CDH13: variants seen among roughly 807,000 people sequenced by gnomAD.
CDH13 encodes the protein cadherin-13.
In CDH13, 24 loss-of-function variants were observed where a neutral mutation model predicts 63.8. That is an observed-to-expected ratio of 0.38 (90% CI 0.27 to 0.53). CDH13 has a LOEUF of 0.53. CDH13 is among the 20% of genes least tolerant of loss of function. The pLI, the probability that CDH13 is intolerant of heterozygous loss-of-function variation, is 0.85. For missense variants in CDH13, 1,049 were observed against 903.1 expected, an observed-to-expected ratio of 1.16 and a Z score of -2.07; for synonymous variants, 503 against 355.3, an observed-to-expected ratio of 1.42 and a Z score of -4.67.
At chr16:83,669,391 G>T (rs1914301624) in intron 8 of CDH13, among the ~76,000 whole-genome samples, 1 of 152,164 alleles carries the variant, frequency 6.6e-6, no homozygotes, top group Non-Finnish European at 1.5e-5. Flanking sequence ...TAGTTTTCTT[G>T]CTCAAGAATT....
chr16:83,665,059 T>A (rs1440218614), intron 8 of CDH13, among the ~76,000 whole-genome samples: 1 of 152,178 alleles, frequency 6.6e-6, no homozygotes, highest in African/African-American at 2.4e-5. Flanking sequence ...AGATATCTAA[T>A]GCCGCTTTCC....
intron 2 of CDH13, among the ~76,000 whole-genome samples, chr16:82,870,062 TG>T (rs2040290740): frequency 6.6e-6 from 1 of 151,890 alleles, no homozygotes; most frequent in South Asian, 2.1e-4. Flanking sequence ...AGAAAATATT[TG>T]AGAACCACCC....
At chr16:82,993,220 A>G (rs1277040609) in intron 2 of CDH13, among the ~76,000 whole-genome samples, 1 of 151,980 alleles carries the variant, frequency 6.6e-6, no homozygotes, top group African/African-American at 2.4e-5. Context: ...TTCACATTTT[A>G]TCTCCCAAAG....
intron 5 of CDH13, among the ~76,000 whole-genome samples, chr16:83,318,953 AAATAT>A: frequency 6.6e-6 from 1 of 151,754 alleles, no homozygotes; most frequent in Admixed American, 6.6e-5. Flanking sequence ...AAAAAAGCAA[AAATAT>A]AATAATAATA....
intron 2 of CDH13, among the ~76,000 whole-genome samples, chr16:82,905,182 G>A (rs1171889507): frequency 6.6e-6 from 1 of 152,154 alleles, no homozygotes; most frequent in Non-Finnish European, 1.5e-5. Context: ...GTGTTTAGAC[G>A]GGAGAAAGAG....
chr16:83,479,209 G>A (rs2073693651), intron 6 of CDH13, among the ~76,000 whole-genome samples: 1 of 150,166 alleles, frequency 6.7e-6, no homozygotes, highest in Non-Finnish European at 1.5e-5. Flanking sequence ...AAGATTTTAA[G>A]TAACTCCTGT....
intron 11 of CDH13, among the ~76,000 whole-genome samples, chr16:83,769,719 G>C (rs890023703): frequency 6.6e-6 from 1 of 152,168 alleles, no homozygotes; most frequent in Non-Finnish European, 1.5e-5. Flanking sequence ...AGAAGTGGGA[G>C]TTCCGTGGAG....
At chr16:83,588,440 T>C (rs1377700090) in intron 7 of CDH13, among the ~76,000 whole-genome samples, 1 of 152,180 alleles carries the variant, frequency 6.6e-6, no homozygotes, top group African/African-American at 2.4e-5. Flanking sequence ...GTGTGATTTT[T>C]CCCCCAGGAG....
intron 1 of CDH13, among the ~76,000 whole-genome samples, chr16:82,729,894 T>G (rs970947833): frequency 1.3e-5 from 2 of 152,248 alleles, no homozygotes; most frequent in Non-Finnish European, 2.9e-5. Flanking sequence ...CAGCTCTTGC[T>G]GCTTCATCTT....
intron 8 of CDH13, among the ~76,000 whole-genome samples, chr16:83,648,141 C>G (rs1400104443): frequency 6.6e-6 from 1 of 152,092 alleles, no homozygotes; most frequent in East Asian, 1.9e-4. Flanking sequence ...AAACCAAAGC[C>G]ATACCTTGGA....
chr16:83,512,587 G>C (rs1056924011), intron 7 of CDH13, among the ~76,000 whole-genome samples: 2 of 150,854 alleles, frequency 1.3e-5, no homozygotes, highest in African/African-American at 4.9e-5. Context: ...AGAATCATTT[G>C]AACCCAGGAG....
chr16:83,322,633 G>A (rs889850187), intron 5 of CDH13, among the ~76,000 whole-genome samples: 3 of 152,184 alleles, frequency 2.0e-5, no homozygotes, highest in Admixed American at 1.3e-4. Context: ...GGTCTCTGCA[G>A]TGAGCAGGGG....
At chr16:83,790,825 C>T (rs1183658706) in intron 13 of CDH13, among the ~76,000 whole-genome samples, 1 of 152,164 alleles carries the variant, frequency 6.6e-6, no homozygotes, top group Non-Finnish European at 1.5e-5. Context: ...TTTTCTAGCA[C>T]GACTTTTATG....
chr16:83,297,622 A>G (rs1464217360), intron 5 of CDH13, among the ~76,000 whole-genome samples: 1 of 152,158 alleles, frequency 6.6e-6, no homozygotes, highest in Non-Finnish European at 1.5e-5. Context: ...TGTTTTTGCC[A>G]AAATGTTGGA....
chr16:83,012,047 C>G (rs1403094758), intron 2 of CDH13, among the ~76,000 whole-genome samples: 1 of 152,154 alleles, frequency 6.6e-6, no homozygotes. Context: ...AGGACTAGGT[C>G]TGTGTTACCC....
At chr16:82,993,888 C>A (rs1911920957) in intron 2 of CDH13, among the ~76,000 whole-genome samples, 1 of 152,184 alleles carries the variant, frequency 6.6e-6, no homozygotes, top group Admixed American at 6.5e-5. Context: ...CTTTGGTGCA[C>A]AGAGAGGGGG....
At chr16:83,286,206 T>G (rs562836165) in intron 5 of CDH13, among the ~76,000 whole-genome samples, 1 of 152,278 alleles carries the variant, frequency 6.6e-6, no homozygotes, top group East Asian at 1.9e-4. Context: ...AGGACCTGGG[T>G]GGACCTTCAC....
At chr16:83,784,797 A>T (rs891239842) in intron 13 of CDH13, among the ~76,000 whole-genome samples, 20 of 151,834 alleles carry the variant, frequency 1.3e-4, no homozygotes, top group Non-Finnish European at 2.9e-5. Context: ...CATCATCTCC[A>T]TGTCTCCTTC....
intron 3 of CDH13, among the ~76,000 whole-genome samples, chr16:83,063,480 G>A (rs1015655975): frequency 2.6e-5 from 4 of 152,154 alleles, no homozygotes; most frequent in African/African-American, 7.2e-5. Context: ...ACCCCGCAGA[G>A]AGAATGGTTA....
Sources: allele counts gnomAD v4.1 joint callset (sites outside exome capture counted in the v4.1 genomes callset), GRCh38; gene constraint gnomAD v4.1.1; transcripts MANE v1.5; gene names NCBI Gene and HGNC (gene_info 2026-07-23, HGNC 2026-07-21).